Variants in LRP1B observed in about 807,000 individuals in gnomAD.
LRP1B encodes the protein low-density lipoprotein receptor-related protein 1B.
In LRP1B, 217 loss-of-function variants were observed where a neutral mutation model predicts 556.6. The observed-to-expected ratio is 0.39, with a 90% CI of 0.35 to 0.44. LRP1B has a LOEUF of 0.44. Ranked by LOEUF, LRP1B falls within the 20% of genes least tolerant of loss-of-function variation. LRP1B has a pLI of 1.00. For synonymous variants in LRP1B, 2,047 were observed against 1,865.8 expected (o/e 1.10, Z -2.50); for missense variants, 5,053 against 5,620.8 (o/e 0.90, Z 3.23).
chr2:141,492,671 C>A (rs750881283), intron 2 of LRP1B, among the ~76,000 whole-genome samples: 1 of 152,058 alleles, frequency 6.6e-6, no homozygotes, highest in African/African-American at 2.4e-5. Context: ...TATAGTTAAT[C>A]GTCTTTCACT....
rs2105199020 is a variant in LRP1B, at chr2:140,601,560, G to A, written c.6879C>T (p.Ile2293=). ...GAGTCTGGTCCACAGTGTGTCTGGT[G>A]ATGGATGAGGTGGTAGAGCTTGTCC... ...LYWTSSTTSS[I]TRHTVDQTRP... Residue 2293 remains isoleucine (I), a synonymous_variant, in exon 42 of 91, where the codon ATC becomes ATT. Coordinates refer to ENST00000389484, the MANE Select transcript of LRP1B (RefSeq NM_018557.3). 6.2e-7 allele frequency: 1 copy of A among 1,613,242 alleles called. No homozygotes were observed. Among genetic ancestry groups the A allele is most frequent in the African/African-American group, 1.3e-5 (1 of 74,998 alleles).
chr2:142,104,283 G>A (rs1706672635), intron 1 of LRP1B, among the ~76,000 whole-genome samples: 1 of 152,084 alleles, frequency 6.6e-6, no homozygotes, highest in African/African-American at 2.4e-5. Flanking sequence ...TTTTACGGGA[G>A]AGTTTATAAA....
At chr2:140,272,258 A>AACACACACAC (rs10654741) in intron 85 of LRP1B, among the ~76,000 whole-genome samples, 4,447 of 149,396 alleles carry the variant, frequency 0.03, 171 homozygotes, top group African/African-American at 0.081. Flanking sequence ...TGCACACACA[A>AACACACACAC]ACACACACAC....
chr2:141,339,619 G>A (rs1687980989), intron 3 of LRP1B, among the ~76,000 whole-genome samples: 1 of 152,132 alleles, frequency 6.6e-6, no homozygotes, highest in African/African-American at 2.4e-5. Context: ...AGTGATACAA[G>A]TCAGCACTCC....
intron 63 of LRP1B, among the ~76,000 whole-genome samples, chr2:140,445,507 C>T (rs572546789): frequency 1.3e-4 from 19 of 151,850 alleles, no homozygotes; most frequent in African/African-American, 2.7e-4. Context: ...CCCTATAATC[C>T]GATTATTATA....
intron 57 of LRP1B, among the ~76,000 whole-genome samples, chr2:140,491,687 TTC>T (rs1384929628): frequency 6.6e-6 from 1 of 152,156 alleles, no homozygotes; most frequent in Non-Finnish European, 1.5e-5. Context: ...CCTTAAGTAT[TTC>T]TCTTATGTTA....
In LRP1B at chr2:141,704,969, G is replaced by C. The variant is rs184596510; in HGVS notation, c.205+105310C>G. On this transcript the variant is annotated intron_variant, in intron 2 of 90. Coordinates refer to ENST00000389484, the MANE Select transcript of LRP1B (RefSeq NM_018557.3). ...CAAAGCTGTATCTTATAGGTTACTG[G>C]TTATATAGTAAAAGGTTAATACTTT... 6.7e-4 allele frequency among the ~76,000 whole-genome samples: 102 copies of C among 152,030 alleles called. 1 individual carries two copies. In the East Asian group the frequency reaches 0.018, roughly 27 times the overall value.
At chr2:141,109,848 T>C (rs1242747793) in intron 7 of LRP1B, among the ~76,000 whole-genome samples, 1 of 152,154 alleles carries the variant, frequency 6.6e-6, no homozygotes, top group Non-Finnish European at 1.5e-5. Flanking sequence ...TCAGCTTTGA[T>C]AGTGGCTGAG....
At chr2:140,593,552 A>C (rs568696270) in intron 43 of LRP1B, among the ~76,000 whole-genome samples, 1 of 152,306 alleles carries the variant, frequency 6.6e-6, no homozygotes, top group East Asian at 1.9e-4. Context: ...CCTATCACTG[A>C]ATAAAGAATG....
intron 41 of LRP1B, among the ~76,000 whole-genome samples, chr2:140,673,039 G>A (rs1329319245): frequency 6.6e-6 from 1 of 152,150 alleles, no homozygotes; most frequent in Non-Finnish European, 1.5e-5. Context: ...TAATTTTAGT[G>A]TCATTTGCAA....
intron 77 of LRP1B, among the ~76,000 whole-genome samples, chr2:140,341,795 T>C (rs1681405269): frequency 6.6e-6 from 1 of 151,336 alleles, no homozygotes; most frequent in Non-Finnish European, 1.5e-5. Flanking sequence ...CAATGGTTTT[T>C]TAAAGGATAT....
chr2:140,384,369 A>C (rs1383623964), intron 67 of LRP1B, among the ~76,000 whole-genome samples: 1 of 152,116 alleles, frequency 6.6e-6, no homozygotes, highest in Non-Finnish European at 1.5e-5. Context: ...TATCCCTACC[A>C]GCTCCACCCC....
intron 37 of LRP1B, among the ~76,000 whole-genome samples, chr2:140,707,157 C>A (rs548832310): frequency 6.6e-6 from 1 of 152,202 alleles, no homozygotes; most frequent in African/African-American, 2.4e-5. Context: ...GCAATTTTTA[C>A]AATAAATGTG....
At chr2:141,150,868 T>TG (rs55902728) in intron 7 of LRP1B, among the ~76,000 whole-genome samples, 20,198 of 136,858 alleles carry the variant, frequency 0.15, 1,606 homozygotes, top group Non-Finnish European at 0.17. Flanking sequence ...GTCATGCTGG[T>TG]TTGTGTGTGT....
Position 141,040,418 on chromosome 2 carries a change from T to C in LRP1B, c.1789+8568A>G, listed in dbSNP as rs41360945. 2.6e-3 allele frequency among the ~76,000 whole-genome samples: 403 copies of C among 152,178 alleles called. 1 individual carries two copies. Among genetic ancestry groups the C allele is most frequent in the African/African-American group, 9.4e-3 (392 of 41,554 alleles). ...TTTATGAGAAATCCTGCCAAAGTTA[T>C]ACAATGCTGAAGATCATTGAAATCC... On this transcript the variant is annotated intron_variant, in intron 11 of 90. Transcript: ENST00000389484.
chr2:140,346,638 C>T (rs2105107551), intron 77 of LRP1B, among the ~76,000 whole-genome samples: 1 of 151,932 alleles, frequency 6.6e-6, no homozygotes, highest in Middle Eastern at 3.4e-3. Context: ...TTTGCCAAGA[C>T]TTTGAAGTGT....
At chr2:141,435,824 AC>A (rs1258188210) in intron 3 of LRP1B, among the ~76,000 whole-genome samples, 1 of 152,178 alleles carries the variant, frequency 6.6e-6, no homozygotes, top group Non-Finnish European at 1.5e-5. Context: ...GAGAAGAAGA[AC>A]CAGTCCTCTT....
intron 2 of LRP1B, among the ~76,000 whole-genome samples, chr2:141,795,474 T>A (rs78726958): frequency 4.7e-4 from 71 of 152,204 alleles, no homozygotes; most frequent in African/African-American, 1.7e-3. Context: ...ACATCTACAT[T>A]AATTTTAAGT....
intron 31 of LRP1B, among the ~76,000 whole-genome samples, chr2:140,823,913 A>G (rs760101513): frequency 1.3e-5 from 2 of 152,046 alleles, no homozygotes; most frequent in Non-Finnish European, 2.9e-5. Flanking sequence ...AGAAGGGAAC[A>G]ACAGACACTG....
Sources: allele counts gnomAD v4.1 joint callset (sites outside exome capture counted in the v4.1 genomes callset), GRCh38; gene constraint gnomAD v4.1.1; transcripts MANE v1.5; gene names NCBI Gene and HGNC (gene_info 2026-07-23, HGNC 2026-07-21).